Variants in FGF2 observed in about 807,000 individuals in gnomAD.
FGF2 encodes the protein fibroblast growth factor 2, also known as basic fibroblast growth factor bFGF.
FGF2 carries 13 observed loss-of-function variants against 15.9 expected under a neutral mutation model. That is an observed-to-expected ratio of 0.82 (90% confidence interval 0.53 to 1.30). The LOEUF is 1.30. FGF2 is among the 50% of genes most tolerant of loss of function. The probability of loss-of-function intolerance (pLI) is 0.00; values close to 1 mark genes in which losing one functional copy is unlikely to be tolerated. For missense variants in FGF2, 163 were observed against 196.9 expected (o/e 0.83, Z 1.03); for synonymous variants, 90 against 78.4 (o/e 1.15, Z -0.78).
At chr4:122,883,173 T>C (rs1045579384) in intron 2 of FGF2, 1 of 152,194 alleles carries the variant, frequency 6.6e-6, no homozygotes, top group East Asian at 1.9e-4. Flanking sequence ...CCTGGGTTCT[T>C]CTCCATTTTA....
chr4:122,841,062 A>C (rs1725974288), intron 1 of FGF2, among the ~76,000 whole-genome samples: 1 of 152,240 alleles, frequency 6.6e-6, no homozygotes, highest in South Asian at 2.1e-4. Flanking sequence ...ATATATACAT[A>C]GCCTTCGTGT....
In FGF2 at chr4:122,827,316, C is replaced by T; in HGVS notation, c.142C>T (p.Arg48Ter). Reference sequence around the variant, plus strand: ...CTTCCTGCGCATCCACCCCGACGGCCGAGTTGACGGGGTCCGGGAGAAGAG... The same window carrying T: ...CTTCCTGCGCATCCACCCCGACGGCTGAGTTGACGGGGTCCGGGAGAAGAG... ...GFFLRIHPDG[R>*]VDGVREKSDP... The change falls in exon 1 of 3, where the codon CGA becomes TGA. Residue 48 changes from arginine to a stop codon, truncating the protein, a stop_gained. Coordinates refer to ENST00000644866, the MANE Select transcript of FGF2 (RefSeq NM_001361665.2). LOFTEE classifies it high-confidence loss of function. The surrounding 1 kb of genome is among the most constrained non-coding windows in gnomAD (Gnocchi z 4.2). The T allele has an allele frequency of 6.2e-7, 1 of 1,613,040 alleles. No homozygotes were observed.
chr4:122,871,691 G>T (rs1267064705), intron 1 of FGF2, among the ~76,000 whole-genome samples: 1 of 151,222 alleles, frequency 6.6e-6, no homozygotes, highest in Non-Finnish European at 1.5e-5. Context: ...ACATCTCCAG[G>T]TGCAGGAGCA....
At chr4:122,879,330 T>G (rs1726917036) in intron 2 of FGF2, among the ~76,000 whole-genome samples, 1 of 152,224 alleles carries the variant, frequency 6.6e-6, no homozygotes, top group South Asian at 2.1e-4. Flanking sequence ...CCTGCCCCTT[T>G]CACTTTAGGA....
chr4:122,843,679 C>T (rs1458907977), intron 1 of FGF2, among the ~76,000 whole-genome samples: 6 of 151,956 alleles, frequency 3.9e-5, no homozygotes, highest in Middle Eastern at 3.2e-3. Flanking sequence ...TCCAGACCAC[C>T]GCAATAAAGT....
intron 1 of FGF2, among the ~76,000 whole-genome samples, chr4:122,842,744 T>A (rs1163422184): frequency 6.6e-6 from 1 of 152,202 alleles, no homozygotes; most frequent in Non-Finnish European, 1.5e-5. Context: ...AATTTCTTAT[T>A]GCTGCTGGCT....
intron 2 of FGF2, among the ~76,000 whole-genome samples, chr4:122,890,905 ATAAT>A (rs1438582924): frequency 6.6e-6 from 1 of 152,182 alleles, no homozygotes; most frequent in Non-Finnish European, 1.5e-5. Flanking sequence ...ATATATACAC[ATAAT>A]TATAATGTAA....
At chr4:122,854,879 A>C (rs1266491575) in intron 1 of FGF2, among the ~76,000 whole-genome samples, 1 of 152,154 alleles carries the variant, frequency 6.6e-6, no homozygotes, top group African/African-American at 2.4e-5. Context: ...TTTTACAGTC[A>C]AATAGAATGA....
intron 1 of FGF2, among the ~76,000 whole-genome samples, chr4:122,837,134 A>T (rs1340861290): frequency 6.6e-6 from 1 of 152,202 alleles, no homozygotes; most frequent in East Asian, 1.9e-4. Context: ...GTTTCATCTG[A>T]AAATTTATTC....
chr4:122,884,646 A>T (rs1727022478), intron 2 of FGF2: 1 of 152,226 alleles, frequency 6.6e-6, no homozygotes, highest in Non-Finnish European at 1.5e-5. Flanking sequence ...TTGGATTCCT[A>T]TTGAGCAAGC....
chr4:122,858,502 A>G (rs1158356042), intron 1 of FGF2, among the ~76,000 whole-genome samples: 2 of 151,746 alleles, frequency 1.3e-5, no homozygotes, highest in African/African-American at 4.8e-5. Context: ...GGTTCAAGTG[A>G]TTCTCCTGCC....
rs956486391 is a variant in FGF2, at chr4:122,835,017, C to T, written c.178+7665C>T. ...TGCTAAACCACTCCTGTGGCCCCAC[C>T]CAGGAATGGTTCCACTCAAGAGGAC... is the stretch of plus-strand genomic sequence containing the variant. On this transcript the variant is annotated intron_variant, in intron 1 of 2. Transcript: ENST00000644866. Among the ~76,000 whole-genome samples, 4 of 152,282 alleles carry T rather than the reference C, an allele frequency of 2.6e-5. No individual in the cohort carries two copies. In the South Asian group the frequency reaches 8.3e-4, roughly 32 times the overall value.
intron 1 of FGF2, among the ~76,000 whole-genome samples, chr4:122,835,297 T>C (rs751335332): frequency 2.6e-5 from 4 of 152,220 alleles, no homozygotes; most frequent in Non-Finnish European, 5.9e-5. Flanking sequence ...CAGGCGGTTA[T>C]ACTTTTGCCC....
chr4:122,870,693 G>C (rs996913395), intron 1 of FGF2, among the ~76,000 whole-genome samples: 3 of 151,868 alleles, frequency 2.0e-5, no homozygotes, highest in African/African-American at 7.3e-5. Context: ...ATTTTGTATT[G>C]TGTCTACTTG....
chr4:122,862,481 A>G (rs754500588), intron 1 of FGF2, among the ~76,000 whole-genome samples: 4 of 152,186 alleles, frequency 2.6e-5, no homozygotes, highest in African/African-American at 4.8e-5. Flanking sequence ...TTTTGGTCCT[A>G]CTGTTTAACT....
At chr4:122,847,311 G>A (rs1726132960) in intron 1 of FGF2, among the ~76,000 whole-genome samples, 1 of 152,164 alleles carries the variant, frequency 6.6e-6, no homozygotes, top group Non-Finnish European at 1.5e-5. Context: ...GACAGGAAAG[G>A]CCTGGATCAG....
chr4:122,862,706 A>T (rs1001548960), intron 1 of FGF2, among the ~76,000 whole-genome samples: 20 of 152,242 alleles, frequency 1.3e-4, no homozygotes, highest in African/African-American at 4.6e-4. Context: ...GATAAGGCTA[A>T]GTGACCACTA....
chr4:122,880,851 A>T (rs750601063), intron 2 of FGF2, among the ~76,000 whole-genome samples: 1 of 152,166 alleles, frequency 6.6e-6, no homozygotes, highest in Non-Finnish European at 1.5e-5. Context: ...CTCTGACCCC[A>T]CATTTCCCTT....
chr4:122,854,968 C>T (rs1474930052), intron 1 of FGF2, among the ~76,000 whole-genome samples: 2 of 152,092 alleles, frequency 1.3e-5, no homozygotes, highest in Non-Finnish European at 2.9e-5. Context: ...ACTTGCCTTT[C>T]CCCCAAAGCT....
Sources: gnomAD v4.1 joint callset for allele counts (sites outside exome capture counted in the v4.1 genomes callset) on GRCh38, gnomAD v4.1.1 for gene constraint, Gnocchi (gnomAD v3.1) non-coding constraint, MANE v1.5 for transcripts, NCBI Gene and HGNC (gene_info 2026-07-23, HGNC 2026-07-21) for gene names.